GABRB3: variants seen among roughly 807,000 people sequenced by gnomAD.
GABRB3 encodes the protein gamma-aminobutyric acid receptor subunit beta-3.
A neutral mutation model predicts 52.1 loss-of-function variants in GABRB3; 14 were observed. The observed-to-expected ratio is 0.27, with a 90% CI of 0.18 to 0.42. GABRB3 has a LOEUF of 0.42. Ranked by LOEUF, GABRB3 falls within the 10% of genes least tolerant of loss-of-function variation. The probability of loss-of-function intolerance (pLI) is 1.00; values close to 1 mark genes in which losing one functional copy is unlikely to be tolerated. For missense variants in GABRB3, 307 were observed against 609.1 expected (o/e 0.50, Z 5.22); for synonymous variants, 260 against 232.3 (o/e 1.12, Z -1.08).
intron 6 of GABRB3, among the ~76,000 whole-genome samples, chr15:26,571,053 A>G (rs1034692975): frequency 2.6e-5 from 4 of 152,208 alleles, no homozygotes; most frequent in African/African-American, 9.6e-5. Context: ...AAGGCTCAAC[A>G]TCCTTATTGA....
At chr15:26,589,959 C>T (rs1458229592) in intron 4 of GABRB3, among the ~76,000 whole-genome samples, 1 of 152,170 alleles carries the variant, frequency 6.6e-6, no homozygotes, top group Non-Finnish European at 1.5e-5. Context: ...TCAGCGGGGA[C>T]ACATTCCCGC....
At chr15:26,610,931 A>G (rs1195977137) in intron 4 of GABRB3, among the ~76,000 whole-genome samples, 2 of 152,252 alleles carry the variant, frequency 1.3e-5, no homozygotes, top group Non-Finnish European at 2.9e-5. Context: ...TTATAAAATC[A>G]TAACTCAGCC....
intron 3 of GABRB3, among the ~76,000 whole-genome samples, chr15:26,703,685 A>G (rs1488926490): frequency 1.3e-5 from 2 of 152,224 alleles, no homozygotes; most frequent in Non-Finnish European, 2.9e-5. Flanking sequence ...TCAAAAGACA[A>G]TGGAGGGCCA....
intron 3 of GABRB3, among the ~76,000 whole-genome samples, chr15:26,647,094 C>T (rs1309384910): frequency 2.0e-5 from 3 of 152,168 alleles, no homozygotes; most frequent in East Asian, 3.9e-4. Context: ...CCACCCACCT[C>T]GGCCTCTCAA....
intron 3 of GABRB3, among the ~76,000 whole-genome samples, chr15:26,722,561 C>A (rs1041472970): frequency 6.6e-6 from 1 of 152,176 alleles, no homozygotes; most frequent in African/African-American, 2.4e-5. Context: ...ATTCACTGAA[C>A]TTTACGTTAA....
chr15:26,613,650 C>T (rs1292699552), intron 4 of GABRB3: 1 of 151,764 alleles, frequency 6.6e-6, no homozygotes, highest in Non-Finnish European at 1.5e-5. Context: ...GAATAATGAA[C>T]AAGACAGAAA....
At chr15:26,553,983 T>G (rs1224183352) in intron 8 of GABRB3, among the ~76,000 whole-genome samples, 1 of 125,130 alleles carries the variant, frequency 8.0e-6, no homozygotes, top group Non-Finnish European at 1.7e-5. Flanking sequence ...CAAGTGATCC[T>G]CTTACCTCAG....
intron 3 of GABRB3, among the ~76,000 whole-genome samples, chr15:26,691,536 C>T (rs112952842): frequency 0.024 from 3,653 of 152,048 alleles, 142 homozygotes; most frequent in African/African-American, 0.084. Context: ...AGATAGGAAG[C>T]GAATGACCCA....
intron 3 of GABRB3, among the ~76,000 whole-genome samples, chr15:26,763,118 G>A (rs569585268): frequency 6.6e-6 from 1 of 152,272 alleles, no homozygotes; most frequent in South Asian, 2.1e-4. Context: ...TGGACTCTGA[G>A]CCTTCAGTGT....
intron 3 of GABRB3, among the ~76,000 whole-genome samples, chr15:26,743,377 G>A (rs949079398): frequency 3.9e-5 from 6 of 152,142 alleles, no homozygotes; most frequent in African/African-American, 1.4e-4. Flanking sequence ...CCAGTTCCAC[G>A]AAGGCTACAT....
Position 26,772,243 on chromosome 15 carries a change from G to C in GABRB3, c.240+159C>G, listed in dbSNP as rs935784308. Reference sequence around the variant, plus strand: ...GCGCCCGGGGCGGGTGCAGGGAGCCGGGCAAGCGAGGGGCCGGCGCCTGGG... The same window carrying C: ...GCGCCCGGGGCGGGTGCAGGGAGCCCGGCAAGCGAGGGGCCGGCGCCTGGG... On this transcript the variant is annotated intron_variant, in intron 3 of 8. Coordinates refer to ENST00000311550, the MANE Select transcript of GABRB3 (RefSeq NM_000814.6). 4.5e-4 allele frequency: 268 copies of C among 597,954 alleles called. 1 individual carries two copies. Among genetic ancestry groups the C allele is most frequent in the Non-Finnish European group, 6.4e-4 (231 of 358,984 alleles). The allele number at this position is 597,954 out of a possible 1,614,324, so 37.0% of individuals were successfully genotyped here.
intron 3 of GABRB3, among the ~76,000 whole-genome samples, chr15:26,645,709 T>C (rs1893329619): frequency 6.6e-6 from 1 of 152,176 alleles, no homozygotes; most frequent in Non-Finnish European, 1.5e-5. Context: ...TCCGAATTCA[T>C]GCTTGAAGAA....
chr15:26,725,908 C>G (rs2097081600), intron 3 of GABRB3, among the ~76,000 whole-genome samples: 1 of 152,198 alleles, frequency 6.6e-6, no homozygotes, highest in African/African-American at 2.4e-5. Context: ...TGTAGACAAT[C>G]TGTGGTTGTT....
intron 3 of GABRB3, among the ~76,000 whole-genome samples, chr15:26,743,582 T>C (rs1019760149): frequency 6.6e-6 from 1 of 152,212 alleles, no homozygotes; most frequent in Non-Finnish European, 1.5e-5. Flanking sequence ...ATTAGATCAA[T>C]GGACAGTCTA....
chr15:26,736,082 G>A (rs993486791), intron 3 of GABRB3, among the ~76,000 whole-genome samples: 10 of 152,110 alleles, frequency 6.6e-5, no homozygotes, highest in Non-Finnish European at 1.5e-4. Context: ...TGAGGGGAGA[G>A]GTGTGCAGAG....
intron 3 of GABRB3, among the ~76,000 whole-genome samples, chr15:26,764,165 AAAAAAAAAAAAAAAATATATATATATAT>A: frequency 2.5e-5 from 1 of 39,954 alleles, no homozygotes; most frequent in Non-Finnish European, 4.2e-5. Flanking sequence ...AAAAAAAAAA[AAAAAAAAAAAAAAAATATATATATATAT>A]ATATATATAT....
At chr15:26,551,322 G>A (rs1889453058) in intron 8 of GABRB3, among the ~76,000 whole-genome samples, 1 of 152,158 alleles carries the variant, frequency 6.6e-6, no homozygotes, top group South Asian at 2.1e-4. Flanking sequence ...GTGCAGAGAG[G>A]GGCCCCAGGG....
At chr15:26,748,917 T>C (rs1043636201) in intron 3 of GABRB3, among the ~76,000 whole-genome samples, 2 of 152,000 alleles carry the variant, frequency 1.3e-5, no homozygotes, top group African/African-American at 2.4e-5. Flanking sequence ...TCCCAGCTAG[T>C]TGGGAGGCTG....
intron 3 of GABRB3, among the ~76,000 whole-genome samples, chr15:26,756,965 G>A (rs149425232): frequency 6.6e-6 from 1 of 152,248 alleles, no homozygotes; most frequent in Non-Finnish European, 1.5e-5. Flanking sequence ...GAAGGATGAT[G>A]GTAGAAACAT....
Sources: gnomAD v4.1 joint callset for allele counts (sites outside exome capture counted in the v4.1 genomes callset) on GRCh38, gnomAD v4.1.1 for gene constraint, MANE v1.5 for transcripts, NCBI Gene and HGNC (gene_info 2026-07-23, HGNC 2026-07-21) for gene names.